The following RTF1 variants were observed in gnomAD, a reference collection of about 807,000 sequenced individuals.
RTF1 encodes the protein RTF1 homolog, Paf1/RNA polymerase II complex component, also known as RNA polymerase-associated protein RTF1 homolog.
RTF1 carries 10 observed loss-of-function variants against 95.7 expected under a neutral mutation model. That is an observed-to-expected ratio of 0.10 (90% CI 0.06 to 0.18). RTF1 has a LOEUF of 0.18. RTF1 is among the 10% of genes least tolerant of loss of function. RTF1 has a pLI of 1.00. For synonymous variants in RTF1, 305 were observed against 311.8 expected, an observed-to-expected ratio of 0.98 and a Z score of 0.23; for missense variants, 458 against 875.6, an observed-to-expected ratio of 0.52 and a Z score of 6.02.
At chr15:41,474,058 A>G (rs1408480057) in intron 8 of RTF1, among the ~76,000 whole-genome samples, 1 of 151,636 alleles carries the variant, frequency 6.6e-6, no homozygotes, top group Non-Finnish European at 1.5e-5. Flanking sequence ...ACAAAAAAAA[A>G]GAGAGACTGG....
intron 2 of RTF1, 58 bp downstream of exon 2, chr15:41,438,489 G>C: frequency 8.6e-7 from 1 of 1,163,756 alleles, no homozygotes; most frequent in Non-Finnish European, 1.2e-6. Context: ...TCCTCGCTTT[G>C]GTGGCTCCTG....
chr15:41,450,990 A>G (rs1368272003), intron 2 of RTF1, among the ~76,000 whole-genome samples: 1 of 152,096 alleles, frequency 6.6e-6, no homozygotes, highest in Non-Finnish European at 1.5e-5. Context: ...ACCCTTTTAC[A>G]ATGTTTTGTG....
intron 1 of RTF1, among the ~76,000 whole-genome samples, chr15:41,428,701 T>C (rs1350620429): frequency 1.3e-5 from 2 of 151,528 alleles, no homozygotes; most frequent in Non-Finnish European, 2.9e-5. Flanking sequence ...GCCTCTGGAG[T>C]AGCTGGGATC....
At chr15:41,435,435 A>C (rs948773248) in intron 1 of RTF1, among the ~76,000 whole-genome samples, 1 of 151,868 alleles carries the variant, frequency 6.6e-6, no homozygotes, top group Non-Finnish European at 1.5e-5. Context: ...TTGGCCTCCC[A>C]AAGTGTTGGG....
intron 3 of RTF1, among the ~76,000 whole-genome samples, chr15:41,453,898 C>T (rs979773409): frequency 5.3e-5 from 8 of 152,106 alleles, no homozygotes; most frequent in Non-Finnish European, 8.8e-5. Context: ...TGGCCTAACC[C>T]GGTTTTGAGC....
intron 4 of RTF1, among the ~76,000 whole-genome samples, chr15:41,461,135 C>T (rs1414057939): frequency 4.6e-5 from 7 of 151,576 alleles, no homozygotes; most frequent in Admixed American, 3.9e-4. Flanking sequence ...CTCTGCCTCC[C>T]GGGTTCAAGC....
intron 11 of RTF1, among the ~76,000 whole-genome samples, 182 bp downstream of exon 11, chr15:41,476,001 G>A (rs1283969546): frequency 6.6e-6 from 1 of 152,076 alleles, no homozygotes; most frequent in Middle Eastern, 3.2e-3. Context: ...TCTCATGTCC[G>A]GATGAGGCTA....
rs2140941373 is a variant in RTF1 at position 41,417,181 on chromosome 15, A to C, written c.66A>C (p.Ala22=). 1 of 1,265,002 alleles carries C rather than the reference A, an allele frequency of 7.9e-7. No homozygotes were observed. Among genetic ancestry groups the C allele is most frequent in the East Asian group, 3.1e-5 (1 of 32,102 alleles). The allele number at this position is 1,265,002 out of a possible 1,614,324, so 78.4% of individuals were successfully genotyped here. The change falls in exon 1 of 18, where the codon GCA becomes GCC. Residue 22 remains alanine (A), a synonymous_variant. Coordinates refer to ENST00000389629, the MANE Select transcript of RTF1 (RefSeq NM_015138.5). ...AAAAAVAVPL[A]GGQEGSPGGG... is the part of the protein sequence containing the mutation. ...CGGCGGCAGTGGCGGTCCCACTGGC[A>C]GGCGGGCAAGAGGGGAGTCCGGGCG... is the stretch of plus-strand genomic sequence containing the variant.
chr15:41,437,544 A>G (rs2050711209), intron 1 of RTF1, among the ~76,000 whole-genome samples: 1 of 152,076 alleles, frequency 6.6e-6, no homozygotes, highest in South Asian at 2.1e-4. Context: ...AGTACAGTAT[A>G]ATTGTGGACT....
At chr15:41,474,205 G>A (rs1172655914) in intron 8 of RTF1, among the ~76,000 whole-genome samples, 1 of 152,114 alleles carries the variant, frequency 6.6e-6, no homozygotes, top group Non-Finnish European at 1.5e-5. Flanking sequence ...TTTTATTCTT[G>A]TCTGGTTTTT....
chr15:41,479,732 G>A lies in RTF1; in HGVS notation c.1915-482G>A, dbSNP rs556880799. Among the ~76,000 whole-genome samples the A allele has an allele frequency of 4.6e-5, 7 of 152,038 alleles. No homozygotes were observed. The South Asian group carries it at 1.0e-3, about 23-fold the overall frequency. On this transcript the variant is annotated intron_variant, in intron 16 of 17. Transcript: ENST00000389629. ...AAAAAAAATAGCTGGGCATGGTGGC[G>A]GGTTCCGATAACTCCAGCTACTGAG... is the stretch of plus-strand genomic sequence containing the variant.
At chr15:41,444,207 G>T (rs752566146) in intron 2 of RTF1, among the ~76,000 whole-genome samples, 1 of 151,894 alleles carries the variant, frequency 6.6e-6, no homozygotes, top group Non-Finnish European at 1.5e-5. Context: ...GGAGGTCAAG[G>T]GTGCAGTGAG....
chr15:41,474,190 T>C (rs1035745723), intron 8 of RTF1, among the ~76,000 whole-genome samples: 7 of 152,142 alleles, frequency 4.6e-5, no homozygotes, highest in Non-Finnish European at 8.8e-5. Flanking sequence ...ATTGTTTTTG[T>C]TTTGTTTTAT....
At chr15:41,479,858 C>T (rs2050961578) in intron 16 of RTF1, among the ~76,000 whole-genome samples, 1 of 147,038 alleles carries the variant, frequency 6.8e-6, no homozygotes, top group Admixed American at 6.7e-5. Flanking sequence ...AGTGAGACTC[C>T]CACCTCAAAA....
Position 41,449,227 on chromosome 15 carries a change from A to ATTTTTTTTTTTTTTTTTTT in RTF1, c.310-3671_310-3653dup, listed in dbSNP as rs34660598. Among the ~76,000 whole-genome samples the ATTTTTTTTTTTTTTTTTTT allele has an allele frequency of 1.3e-4, 14 of 109,294 alleles. 1 individual carries two copies. Among genetic ancestry groups the ATTTTTTTTTTTTTTTTTTT allele is most frequent in the African/African-American group, 3.8e-4 (10 of 26,400 alleles). 71.7% of individuals were successfully genotyped at this position (109,294 alleles called of 152,430 possible). ...TTGTCCCTGTTGTGGAGGCAGGTGA[A>ATTTTTTTTTTTTTTTTTTT]TTTTTTTTTTTTTTTTTTTTTGAGA... On this transcript the variant is annotated intron_variant, in intron 2 of 17. Coordinates refer to ENST00000389629, the MANE Select transcript of RTF1 (RefSeq NM_015138.5).
intron 1 of RTF1, among the ~76,000 whole-genome samples, chr15:41,419,527 T>C (rs2050589774): frequency 6.6e-6 from 1 of 152,210 alleles, no homozygotes; most frequent in Non-Finnish European, 1.5e-5. Context: ...AATGATAATG[T>C]TTCACAGTCA....
chr15:41,471,541 G>C (rs1433382239), intron 8 of RTF1, among the ~76,000 whole-genome samples, 192 bp downstream of exon 8: 1 of 152,198 alleles, frequency 6.6e-6, no homozygotes, highest in Non-Finnish European at 1.5e-5. Context: ...GGAGGACTTG[G>C]AGCCCAAGGG....
intron 1 of RTF1, among the ~76,000 whole-genome samples, chr15:41,425,386 G>A (rs1407294855): frequency 1.3e-5 from 2 of 152,114 alleles, no homozygotes; most frequent in Admixed American, 1.3e-4. Context: ...GATTACAGGT[G>A]TGAGCCACCG....
intron 3 of RTF1, among the ~76,000 whole-genome samples, chr15:41,455,313 CAAAA>C (rs1274614247): frequency 6.6e-5 from 5 of 76,252 alleles, no homozygotes; most frequent in Non-Finnish European, 1.1e-4. Context: ...ACTCTGTCTC[CAAAA>C]AAAAAAAAAA....
Sources: allele counts gnomAD v4.1 joint callset (sites outside exome capture counted in the v4.1 genomes callset), GRCh38; gene constraint gnomAD v4.1.1; transcripts MANE v1.5; gene names NCBI Gene and HGNC (gene_info 2026-07-23, HGNC 2026-07-21).